Variants in GRIP1 observed in about 807,000 individuals in gnomAD.
GRIP1 encodes glutamate receptor-interacting protein 1.
A neutral mutation model predicts 129.9 loss-of-function variants in GRIP1; 45 were observed. That is an observed-to-expected ratio of 0.35 (90% CI 0.27 to 0.44). The LOEUF (loss-of-function observed/expected upper bound fraction) is 0.44, where lower values mean the gene tolerates loss of function less well. GRIP1 is among the 20% of genes least tolerant of loss of function. The pLI is 1.00. For synonymous variants in GRIP1, 530 were observed against 520.8 expected (o/e 1.02, Z -0.24); for missense variants, 1,196 against 1,396.8 (o/e 0.86, Z 2.29).
intron 1 of GRIP1, among the ~76,000 whole-genome samples, chr12:66,930,055 CT>C (rs202119349): frequency 0.13 from 17,060 of 128,586 alleles, 1,519 homozygotes; most frequent in East Asian, 0.32. Context: ...CTCTCTCTCT[CT>C]TTTTTTTTTT....
In GRIP1 at chr12:66,646,377, G is replaced by A. The variant is rs541432611; in HGVS notation, c.55+32473C>T. Among the ~76,000 whole-genome samples, 10 of 152,236 alleles carry A rather than the reference G, an allele frequency of 6.6e-5. 1 individual carries two copies. The highest frequency in any genetic ancestry group is 1.2e-4 in the Non-Finnish European group (8 of 68,006). On this transcript the variant is annotated intron_variant, in intron 1 of 24. Coordinates refer to ENST00000359742, the MANE Select transcript of GRIP1 (RefSeq NM_001366722.1). ...GGTGGCTCACGGCTGTAATCCTAGC[G>A]ACTGGAGAGGCCAAGGCAGGTGGAA...
intron 1 of GRIP1, among the ~76,000 whole-genome samples, chr12:66,792,393 C>T (rs1192287386): frequency 6.6e-6 from 1 of 152,054 alleles, no homozygotes; most frequent in Non-Finnish European, 1.5e-5. Flanking sequence ...AGGAACGCAC[C>T]ACTATGACTG....
intron 1 of GRIP1, among the ~76,000 whole-genome samples, chr12:66,638,450 C>T (rs529800558): frequency 1.1e-3 from 166 of 152,252 alleles, no homozygotes; most frequent in Middle Eastern, 3.4e-3. Flanking sequence ...AAAATTCAAA[C>T]CTAGTTCTTC....
At chr12:67,062,588 T>G (rs567108197) in intron 1 of GRIP1, among the ~76,000 whole-genome samples, 1 of 152,272 alleles carries the variant, frequency 6.6e-6, no homozygotes, top group Non-Finnish European at 1.5e-5. Flanking sequence ...CCCTCCGCAT[T>G]AATCTGTACA....
intron 1 of GRIP1, among the ~76,000 whole-genome samples, chr12:66,842,682 G>A (rs2039742221): frequency 6.6e-6 from 1 of 152,210 alleles, no homozygotes; most frequent in Non-Finnish European, 1.5e-5. Context: ...TGATAGGGAT[G>A]TCTCTGATAC....
rs556444966 is a variant in GRIP1, at chr12:66,841,601, T to C, written c.58+227449A>G. ...CTCTTCAATTCCCTACGTTATTTTC[T>C]ATAGGTATGAGCTCAGTCTCCTGCC... On this transcript the variant is annotated intron_variant, in intron 1 of 1. Transcript: ENST00000643019. Among the ~76,000 whole-genome samples the C allele has an allele frequency of 5.9e-5, 9 of 152,348 alleles. No individual in the cohort carries two copies. In the South Asian group the frequency reaches 1.7e-3, roughly 28 times the overall value.
At position 66,813,725 on chromosome 12, in the gene GRIP1, T is replaced by C. The variant is rs1770248567; in HGVS notation, c.59-216798A>G. On this transcript the variant is annotated intron_variant, in intron 1 of 1. Transcript: ENST00000643019. ...GTGCCAGGGACAGGAAGGTGACCAC[T>C]GTGGAGAATAATAGGAGAGGAAGCT... is the stretch of plus-strand genomic sequence containing the variant. 2.0e-5 allele frequency among the ~76,000 whole-genome samples: 3 copies of C among 152,086 alleles called. No homozygotes were observed. The South Asian group carries it at 6.2e-4, about 32-fold the overall frequency.
rs544921662 is a variant in GRIP1 at position 66,579,406 on chromosome 12, C to T, written c.136+17441G>A. 9.2e-4 allele frequency among the ~76,000 whole-genome samples: 140 copies of T among 152,212 alleles called. 2 individuals carry two copies. In the Middle Eastern group the frequency reaches 0.02, roughly 22 times the overall value. Reference sequence around the variant, plus strand: ...TCACCAGCAATGGAACAAAGCTGGACGGAGAATGACTTTGACAAGTTGAGA... The same window carrying T: ...TCACCAGCAATGGAACAAAGCTGGATGGAGAATGACTTTGACAAGTTGAGA... On this transcript the variant is annotated intron_variant, in intron 2 of 24. Coordinates refer to ENST00000359742, the MANE Select transcript of GRIP1 (RefSeq NM_001366722.1).
chr12:66,733,465 T>A (rs542195783), intron 1 of GRIP1, among the ~76,000 whole-genome samples: 5 of 152,212 alleles, frequency 3.3e-5, no homozygotes, highest in African/African-American at 1.2e-4. Context: ...GGGATGTAAC[T>A]CTTTCCTTTG....
chr12:66,482,203 T>C (rs146383008), intron 7 of GRIP1, among the ~76,000 whole-genome samples: 124 of 152,280 alleles, frequency 8.1e-4, no homozygotes, highest in Middle Eastern at 3.4e-3. Context: ...ATGCTCCCTG[T>C]CCATAAGGGC....
At chr12:66,572,811 T>G (rs944331875) in intron 2 of GRIP1, among the ~76,000 whole-genome samples, 2 of 152,160 alleles carry the variant, frequency 1.3e-5, no homozygotes, top group Non-Finnish European at 2.9e-5. Flanking sequence ...GGATAATAAC[T>G]CACATTTATT....
intron 1 of GRIP1, among the ~76,000 whole-genome samples, chr12:67,044,449 A>G (rs562945208): frequency 2.0e-5 from 3 of 152,326 alleles, no homozygotes; most frequent in South Asian, 2.1e-4. Flanking sequence ...CTCACCTTCT[A>G]TAGAAAATAA....
chr12:66,699,481 T>C (rs763754178), intron 1 of GRIP1, among the ~76,000 whole-genome samples: 1 of 152,124 alleles, frequency 6.6e-6, no homozygotes, highest in African/African-American at 2.4e-5. Context: ...TGAGATCTGA[T>C]GGTTTTATAA....
chr12:66,599,771 A>G (rs1320089779), intron 1 of GRIP1, among the ~76,000 whole-genome samples: 1 of 152,144 alleles, frequency 6.6e-6, no homozygotes, highest in African/African-American at 2.4e-5. Flanking sequence ...CTAGAATTTC[A>G]TGCTTATAAG....
chr12:66,869,022 A>C (rs2040251186), intron 1 of GRIP1, among the ~76,000 whole-genome samples: 1 of 152,132 alleles, frequency 6.6e-6, no homozygotes, highest in Admixed American at 6.6e-5. Context: ...AGAATCTACA[A>C]GTACAGTGCT....
In GRIP1 at chr12:66,889,503, A is replaced by T. The variant is rs376644004; in HGVS notation, c.58+179547T>A. Among the ~76,000 whole-genome samples, 23 of 152,306 alleles carry T rather than the reference A, an allele frequency of 1.5e-4. 1 individual carries two copies. Among genetic ancestry groups the T allele is most frequent in the African/African-American group, 5.5e-4 (23 of 41,576 alleles). ...TAATAATTTCAAAGACTTTTGGAGA[A>T]CTATAATCCAACATTGCACATTATT... is the stretch of plus-strand genomic sequence containing the variant. On this transcript the variant is annotated intron_variant, in intron 1 of 1. Transcript: ENST00000643019.
chr12:66,598,478 T>C (rs1466100316), intron 1 of GRIP1, among the ~76,000 whole-genome samples: 2 of 152,240 alleles, frequency 1.3e-5, no homozygotes, highest in East Asian at 3.8e-4. Flanking sequence ...TCTTCGACTC[T>C]TCTCTTTGCA....
intron 1 of GRIP1, among the ~76,000 whole-genome samples, chr12:66,834,086 G>C (rs1311064822): frequency 6.7e-6 from 1 of 149,278 alleles, no homozygotes; most frequent in Non-Finnish European, 1.5e-5. Flanking sequence ...TCTGAGGAAG[G>C]AGAATCGTTT....
intron 14 of GRIP1, among the ~76,000 whole-genome samples, chr12:66,423,730 C>G (rs1269014539): frequency 6.6e-6 from 1 of 152,190 alleles, no homozygotes; most frequent in Non-Finnish European, 1.5e-5. Context: ...ATAGTTTTCT[C>G]TCTTCTGTCA....
Sources: allele counts gnomAD v4.1 joint callset (sites outside exome capture counted in the v4.1 genomes callset), GRCh38; gene constraint gnomAD v4.1.1; transcripts MANE v1.5; gene names NCBI Gene and HGNC (gene_info 2026-07-23, HGNC 2026-07-21).